The following PCDHA1 variants were observed in gnomAD, a reference collection of about 807,000 sequenced individuals.
PCDHA1 encodes the protein protocadherin alpha 1, also known as protocadherin alpha-1.
A neutral mutation model predicts 61.3 loss-of-function variants in PCDHA1; 42 were observed. The ratio of observed to expected loss-of-function variants is 0.69; its 90% CI spans 0.54 to 0.89. The LOEUF (loss-of-function observed/expected upper bound fraction) is 0.89, where lower values mean the gene tolerates loss of function less well. Among genes scored for constraint, PCDHA1 ranks in the 40% least tolerant of loss-of-function variants. PCDHA1 has a pLI of 0.00. For missense variants in PCDHA1, 1,256 were observed against 1,235.3 expected (o/e 1.02, Z -0.25); for synonymous variants, 610 against 553.8 (o/e 1.10, Z -1.43).
intron 1 of PCDHA1, among the ~76,000 whole-genome samples, chr5:140,932,700 A>G (rs1584752908): frequency 6.6e-6 from 1 of 151,992 alleles, no homozygotes; most frequent in East Asian, 1.9e-4. Flanking sequence ...AAAAACTCAT[A>G]TAGACAACAC....
intron 1 of PCDHA1, chr5:140,823,120 G>A (rs2150122509): frequency 6.2e-7 from 1 of 1,614,058 alleles, no homozygotes; most frequent in Non-Finnish European, 8.5e-7. Context: ...CGACGTGAAC[G>A]ACAACGCTCC....
At chr5:140,870,630 G>A (rs2052239024) in intron 1 of PCDHA1, 15 of 1,613,008 alleles carry the variant, frequency 9.3e-6, no homozygotes, top group Non-Finnish European at 1.3e-5. Context: ...ACGTGTCGGT[G>A]CACGCGGAGA....
chr5:140,920,511 A>G (rs564811520), intron 1 of PCDHA1, among the ~76,000 whole-genome samples: 1 of 152,284 alleles, frequency 6.6e-6, no homozygotes, highest in East Asian at 1.9e-4. Flanking sequence ...ATACTGTTTT[A>G]TGCAATTCGT....
At chr5:140,931,574 C>A (rs1311706898) in intron 1 of PCDHA1, among the ~76,000 whole-genome samples, 1 of 152,024 alleles carries the variant, frequency 6.6e-6, no homozygotes, top group Non-Finnish European at 1.5e-5. Flanking sequence ...CCATCCCATT[C>A]ATTCAGTTGA....
chr5:140,847,746 C>A (rs145193370), intron 1 of PCDHA1: 2 of 149,840 alleles, frequency 1.3e-5, no homozygotes, highest in Non-Finnish European at 3.0e-5. Context: ...TTTCTCCCCA[C>A]GCAACACAAG....
At chr5:140,883,786 C>G in intron 1 of PCDHA1, 1 of 1,612,422 alleles carries the variant, frequency 6.2e-7, no homozygotes, top group Admixed American at 1.7e-5. Flanking sequence ...CGCTGTCGAG[C>G]TACGTGTCGG....
At position 141,011,086 on chromosome 5, in the gene PCDHA1, C is replaced by T. The variant is rs1181884726; in HGVS notation, c.*1149C>T. The T allele has an allele frequency of 2.6e-5, 4 of 153,678 alleles. No homozygotes were observed. Among genetic ancestry groups the T allele is most frequent in the African/African-American group, 9.7e-5 (4 of 41,430 alleles). The allele number at this position is 153,678 out of a possible 1,614,324, so 9.5% of individuals were successfully genotyped here. On this transcript the variant is annotated 3_prime_UTR_variant, in exon 4 of 4. Coordinates refer to ENST00000504120, the MANE Select transcript of PCDHA1 (RefSeq NM_018900.4). ...TGTATTACTAAATAAAATGATCTCT[C>T]TTTCTCTCTCTCTCTCTCTTTTCTA...
rs1314972050 is a variant in PCDHA1, at chr5:141,011,103, T to A, written c.*1166T>A. 6.5e-6 allele frequency: 1 copy of A among 153,762 alleles called. No individual in the cohort carries two copies. Among genetic ancestry groups the A allele is most frequent in the Non-Finnish European group, 1.5e-5 (1 of 68,036 alleles). The allele number at this position is 153,762 out of a possible 1,614,324, so 9.5% of individuals were successfully genotyped here. A position where few individuals can be genotyped will look rare whatever the true frequency, so the allele number is the denominator to read the frequency against. On this transcript the variant is annotated 3_prime_UTR_variant, in exon 4 of 4. Coordinates refer to ENST00000504120, the MANE Select transcript of PCDHA1 (RefSeq NM_018900.4). ...TGATCTCTCTTTCTCTCTCTCTCTC[T>A]CTTTTCTAAGAAACAATTATGTGCA... is the stretch of plus-strand genomic sequence containing the variant.
chr5:140,809,345 G>A lies in PCDHA1; in HGVS notation c.2394+20661G>A, dbSNP rs138998178. The A allele has an allele frequency of 7.9e-5, 128 of 1,614,044 alleles. No homozygotes were observed. Among genetic ancestry groups the A allele is most frequent in the Non-Finnish European group, 1.0e-4 (121 of 1,179,918 alleles). ...GGTGCTCACGCTGCTGCTGTACACC[G>A]CGCTGCGGTGCTCTGCGCTGCCCAC... On this transcript the variant is annotated intron_variant, in intron 1 of 3. Transcript: ENST00000504120.
intron 1 of PCDHA1, among the ~76,000 whole-genome samples, chr5:140,937,108 G>A (rs1014984809): frequency 7.3e-5 from 11 of 151,276 alleles, no homozygotes; most frequent in Non-Finnish European, 1.5e-4. Context: ...CGCAGTCTCG[G>A]CTCACTGCAA....
At chr5:140,929,457 G>A (rs975305297) in intron 1 of PCDHA1, 25 of 1,362,276 alleles carry the variant, frequency 1.8e-5, no homozygotes, top group Non-Finnish European at 2.4e-5. Flanking sequence ...AGCACTTCCT[G>A]TGCCAAGAAA....
intron 1 of PCDHA1, among the ~76,000 whole-genome samples, chr5:140,820,175 T>G (rs1766703327): frequency 6.6e-6 from 1 of 151,982 alleles, no homozygotes; most frequent in East Asian, 1.9e-4. Context: ...AGGCAAATAG[T>G]CTGGGAAATT....
chr5:140,864,439 T>A (rs2048478325), intron 1 of PCDHA1: 1 of 152,242 alleles, frequency 6.6e-6, no homozygotes, highest in South Asian at 2.1e-4. Flanking sequence ...CAATTTTGTT[T>A]CTTCATGATC....
At position 140,882,346 on chromosome 5, in the gene PCDHA1, G is replaced by C. The variant is rs146510190; in HGVS notation, c.2394+93662G>C. 1,878 of 1,614,194 alleles carry C rather than the reference G, an allele frequency of 1.2e-3. 37 individuals are homozygous for C. In the South Asian group the frequency reaches 0.019, roughly 17 times the overall value. On this transcript the variant is annotated intron_variant, in intron 1 of 3. Transcript: ENST00000504120. ...TTCTGATCCTCGCAGCCTGGGAGAC[G>C]GGTAGTGGCCAGCTCCACTACTCCG...
chr5:140,824,615 T>TTTTTTG (rs1554129953), intron 1 of PCDHA1: 19 of 126,072 alleles, frequency 1.5e-4, no homozygotes, highest in African/African-American at 6.6e-4. Context: ...TTAAAGTTTT[T>TTTTTTG]TTTTTTTTTT....
At chr5:140,972,197 A>G (rs2096524584) in intron 1 of PCDHA1, among the ~76,000 whole-genome samples, 1 of 152,100 alleles carries the variant, frequency 6.6e-6, no homozygotes. Context: ...GCTGGAGTAT[A>G]GGTGTGAATA....
intron 1 of PCDHA1, among the ~76,000 whole-genome samples, chr5:140,915,929 C>A (rs1554197194): frequency 1.3e-5 from 2 of 152,144 alleles, no homozygotes; most frequent in African/African-American, 4.8e-5. Context: ...ACTTGGGAGT[C>A]AGGGATTGGA....
chr5:140,883,683 G>A lies in PCDHA1; in HGVS notation c.2394+94999G>A, dbSNP rs1015362604. ...GTGAAGGAAAACAATCCGCCGGGCT[G>A]CCACATCTTCACGGTGTCTGCTCAG... On this transcript the variant is annotated intron_variant, in intron 1 of 3. Transcript: ENST00000504120. 4 of 1,613,808 alleles carry A rather than the reference G, an allele frequency of 2.5e-6. No individual in the cohort carries two copies. Among genetic ancestry groups the A allele is most frequent in the Non-Finnish European group, 3.4e-6 (4 of 1,179,896 alleles).
rs143678744 is a variant in PCDHA1 at position 140,873,036 on chromosome 5, G to A, written c.2394+84352G>A. Among the ~76,000 whole-genome samples the A allele has an allele frequency of 5.4e-3, 816 of 152,264 alleles. 4 individuals carry two copies. The highest frequency in any genetic ancestry group is 0.014 in the Middle Eastern group (4 of 294). On this transcript the variant is annotated intron_variant, in intron 1 of 3. Coordinates refer to ENST00000504120, the MANE Select transcript of PCDHA1 (RefSeq NM_018900.4). ...TTTAGTTATTCTTACTACACGTAGA[G>A]TGGTGGTATTACAGACTTTCTTGAG...
Sources: gnomAD v4.1 joint callset for allele counts (sites outside exome capture counted in the v4.1 genomes callset) on GRCh38, gnomAD v4.1.1 for gene constraint, MANE v1.5 for transcripts, NCBI Gene and HGNC (gene_info 2026-07-23, HGNC 2026-07-21) for gene names.